Variants in MTUS2 observed in about 807,000 individuals in gnomAD.
The protein encoded by MTUS2 is microtubule associated scaffold protein 2, also known as microtubule-associated tumor suppressor candidate 2.
Under a neutral mutation model 114.1 loss-of-function variants are expected in MTUS2, and 40 were observed. That is an observed-to-expected ratio of 0.35 (90% CI 0.27 to 0.46). The LOEUF (loss-of-function observed/expected upper bound fraction) is 0.46, where lower values mean the gene tolerates loss of function less well. MTUS2 is among the 20% of genes least tolerant of loss of function. MTUS2 has a pLI of 1.00. For missense variants in MTUS2, 1,679 were observed against 1,705.4 expected (o/e 0.98, Z 0.27); for synonymous variants, 688 against 672.0 (o/e 1.02, Z -0.37).
intron 2 of MTUS2, among the ~76,000 whole-genome samples, chr13:28,941,771 A>G (rs1326366471): frequency 2.0e-5 from 3 of 151,854 alleles, no homozygotes; most frequent in Non-Finnish European, 4.4e-5. Flanking sequence ...CCTGCAAAGT[A>G]GAATCTGGAA....
chr13:29,407,541 G>A (rs752634720), intron 8 of MTUS2, among the ~76,000 whole-genome samples: 2 of 151,426 alleles, frequency 1.3e-5, no homozygotes, highest in African/African-American at 2.4e-5. Context: ...GCAATGGCGC[G>A]ATCTTGGCTC....
At chr13:29,191,406 A>G (rs2139195507) in intron 5 of MTUS2, among the ~76,000 whole-genome samples, 1 of 152,294 alleles carries the variant, frequency 6.6e-6, no homozygotes, top group South Asian at 2.1e-4. Flanking sequence ...GCAGTCAGAC[A>G]GGCAATAATG....
chr13:28,842,921 C>T (rs1215763041), intron 2 of MTUS2, among the ~76,000 whole-genome samples: 3 of 152,164 alleles, frequency 2.0e-5, no homozygotes, highest in Non-Finnish European at 4.4e-5. Flanking sequence ...AGAACCCCCT[C>T]TGGGACAGGT....
At chr13:29,224,814 T>G (rs961048721) in intron 5 of MTUS2, among the ~76,000 whole-genome samples, 17 of 152,190 alleles carry the variant, frequency 1.1e-4, no homozygotes, top group Admixed American at 1.1e-3. Context: ...CCCTATTTAG[T>G]GGTTATGTCC....
chr13:29,091,155 A>G (rs1469690035), intron 4 of MTUS2, among the ~76,000 whole-genome samples: 68 of 152,002 alleles, frequency 4.5e-4, no homozygotes, highest in Non-Finnish European at 1.2e-4. Context: ...ATCTGCTTGG[A>G]ATATGGCAGT....
At position 29,501,063 on chromosome 13, in the gene MTUS2, T is replaced by C. The variant is rs767640856; in HGVS notation, c.3799-34T>C. The C allele has an allele frequency of 4.4e-6, 7 of 1,589,386 alleles. No homozygotes were observed. The South Asian group carries it at 7.8e-5, about 18-fold the overall frequency. On this transcript the variant is annotated intron_variant, in intron 14 of 15. Transcript: ENST00000612955. ...CGGTTTACTCCCGATTTTATGGCCT[T>C]GCTAGAACCTCTTAAACACTGTTTC...
chr13:29,262,626 T>C (rs777982081), intron 5 of MTUS2, among the ~76,000 whole-genome samples: 13 of 151,256 alleles, frequency 8.6e-5, no homozygotes, highest in Non-Finnish European at 1.9e-4. Context: ...GACACTGAGA[T>C]GCTGAGGTCC....
chr13:28,962,472 A>G (rs1160302253), intron 2 of MTUS2, among the ~76,000 whole-genome samples: 2 of 152,142 alleles, frequency 1.3e-5, no homozygotes, highest in Non-Finnish European at 2.9e-5. Flanking sequence ...ACCTTTTGCA[A>G]GGTTTTTTGT....
intron 8 of MTUS2, among the ~76,000 whole-genome samples, chr13:29,380,773 G>A (rs1289247657): frequency 1.6e-5 from 1 of 61,964 alleles, no homozygotes; most frequent in African/African-American, 3.5e-5. Context: ...AAAATTAGCC[G>A]GGCGCGGTGG....
rs1258039110 is a variant in MTUS2 at position 29,390,651 on chromosome 13, CA to C, written c.3117+31192del. On this transcript the variant is annotated intron_variant, in intron 8 of 15. Transcript: ENST00000612955. The stretch of plus-strand genomic sequence containing the variant: ...TGGGTGACAGGGCGAGACTCCATCT[CA>C]AAAAAAAAAAAAAGAAAGAAAGAAA... Among the ~76,000 whole-genome samples the C allele has an allele frequency of 3.1e-3, 340 of 109,282 alleles. 1 individual carries two copies. Among genetic ancestry groups the C allele is most frequent in the Admixed American group, 9.5e-3 (103 of 10,864 alleles). 71.7% of individuals were successfully genotyped at this position (109,282 alleles called of 152,430 possible). A position where few individuals can be genotyped will look rare whatever the true frequency, so the allele number is the denominator to read the frequency against.
intron 8 of MTUS2, among the ~76,000 whole-genome samples, chr13:29,434,867 C>T (rs1356985062): frequency 6.6e-6 from 1 of 152,208 alleles, no homozygotes; most frequent in African/African-American, 2.4e-5. Flanking sequence ...CAAGGCTGCT[C>T]TAGCAAGGAA....
At chr13:29,097,408 G>A (rs1890222770) in intron 4 of MTUS2, among the ~76,000 whole-genome samples, 2 of 152,082 alleles carry the variant, frequency 1.3e-5, no homozygotes, top group South Asian at 4.1e-4. Flanking sequence ...TCTTTTTTAT[G>A]TGCCACCTCA....
intron 9 of MTUS2, among the ~76,000 whole-genome samples, chr13:29,457,124 G>T (rs1432804707): frequency 6.8e-6 from 1 of 147,912 alleles, no homozygotes; most frequent in Non-Finnish European, 1.5e-5. Context: ...CAGCCTGGGC[G>T]ACAGCGAGAC....
intron 6 of MTUS2, among the ~76,000 whole-genome samples, chr13:29,321,796 A>G (rs1298557758): frequency 6.6e-6 from 1 of 152,250 alleles, no homozygotes; most frequent in Non-Finnish European, 1.5e-5. Flanking sequence ...CATTATTAAA[A>G]GTTTGGTACC....
At chr13:28,846,661 A>G (rs770137022) in intron 2 of MTUS2, among the ~76,000 whole-genome samples, 18 of 152,204 alleles carry the variant, frequency 1.2e-4, no homozygotes, top group Non-Finnish European at 1.8e-4. Flanking sequence ...GTTCTTGTAT[A>G]TGCATTCAGA....
Position 29,408,152 on chromosome 13 carries a change from T to A in MTUS2, c.3118-31831T>A, listed in dbSNP as rs76653855. Among the ~76,000 whole-genome samples, 751 of 152,298 alleles carry A rather than the reference T, an allele frequency of 4.9e-3. 7 individuals carry two copies. The highest frequency in any genetic ancestry group is 0.017 in the African/African-American group (717 of 41,566). ...TTACCACTTCATTTTTAGTGTCTTT[T>A]CTAAACTAAACTTCTAATTTTAACG... On this transcript the variant is annotated intron_variant, in intron 8 of 15. Coordinates refer to ENST00000612955, the MANE Select transcript of MTUS2 (RefSeq NM_001033602.4).
chr13:28,968,179 G>A (rs1267691263), intron 2 of MTUS2, among the ~76,000 whole-genome samples: 3 of 152,010 alleles, frequency 2.0e-5, no homozygotes, highest in African/African-American at 7.3e-5. Context: ...TTTCATAAAA[G>A]TTAGTTTTAA....
At chr13:28,831,259 A>T (rs2137950756) in intron 1 of MTUS2, among the ~76,000 whole-genome samples, 2 of 152,324 alleles carry the variant, frequency 1.3e-5, no homozygotes, top group Middle Eastern at 6.8e-3. Flanking sequence ...CACAACAAAT[A>T]GCAAAATGGC....
At chr13:29,213,026 G>A (rs11147371) in intron 5 of MTUS2, among the ~76,000 whole-genome samples, 22,513 of 151,804 alleles carry the variant, frequency 0.15, 1,806 homozygotes, top group East Asian at 0.31. Flanking sequence ...AGTAAATGAT[G>A]CTTCTGTTAC....
Sources: allele counts gnomAD v4.1 joint callset (sites outside exome capture counted in the v4.1 genomes callset), GRCh38; gene constraint gnomAD v4.1.1; transcripts MANE v1.5; gene names NCBI Gene and HGNC (gene_info 2026-07-23, HGNC 2026-07-21).